The following CLYBL variants were observed in gnomAD, a reference collection of about 807,000 sequenced individuals.
CLYBL encodes the protein citramalyl-CoA lyase.
A neutral mutation model predicts 38.9 loss-of-function variants in CLYBL; 31 were observed. The ratio of observed to expected loss-of-function variants is 0.80; its 90% CI spans 0.60 to 1.08. The LOEUF (loss-of-function observed/expected upper bound fraction) is 1.08, where lower values mean the gene tolerates loss of function less well. CLYBL is among the 50% of genes least tolerant of loss of function. The pLI, the probability that CLYBL is intolerant of heterozygous loss-of-function variation, is 0.00. For missense variants in CLYBL, 434 were observed against 411.6 expected (o/e 1.05, Z -0.47); for synonymous variants, 171 against 158.6 (o/e 1.08, Z -0.59).
At chr13:99,778,544 A>G (rs1284301383) in intron 2 of CLYBL, among the ~76,000 whole-genome samples, 3 of 152,220 alleles carry the variant, frequency 2.0e-5, no homozygotes, top group Admixed American at 6.5e-5. Context: ...GTTTATAAGT[A>G]TATAATACCT....
chr13:99,804,440 C>G (rs1260644833), intron 2 of CLYBL, among the ~76,000 whole-genome samples: 1 of 152,202 alleles, frequency 6.6e-6, no homozygotes, highest in African/African-American at 2.4e-5. Context: ...ACTATAAGCA[C>G]CACCCAAACT....
chr13:99,871,266 C>T (rs183661422), intron 7 of CLYBL, among the ~76,000 whole-genome samples: 7 of 152,286 alleles, frequency 4.6e-5, no homozygotes, highest in Non-Finnish European at 7.4e-5. Context: ...CACTAACTGG[C>T]TCTCAAGTCC....
intron 2 of CLYBL, among the ~76,000 whole-genome samples, chr13:99,836,840 T>C (rs960544461): frequency 2.7e-5 from 4 of 150,424 alleles, no homozygotes; most frequent in African/African-American, 7.4e-5. Flanking sequence ...AATTGAACAA[T>C]GAGAACACAT....
chr13:99,882,266 T>G (rs1025099326), intron 7 of CLYBL, among the ~76,000 whole-genome samples: 8 of 152,180 alleles, frequency 5.3e-5, no homozygotes, highest in Admixed American at 4.6e-4. Context: ...TCCTCTTAAG[T>G]TCCTTTATAA....
chr13:99,802,252 C>T (rs1244304199), intron 2 of CLYBL, among the ~76,000 whole-genome samples: 1 of 152,062 alleles, frequency 6.6e-6, no homozygotes. Flanking sequence ...CCTCACATGA[C>T]CAAGAAAGAA....
intron 7 of CLYBL, among the ~76,000 whole-genome samples, chr13:99,888,061 G>T (rs2052395678): frequency 6.6e-6 from 1 of 152,014 alleles, no homozygotes; most frequent in South Asian, 2.1e-4. Flanking sequence ...TCACCATGTT[G>T]GCCAGTCTGG....
chr13:99,728,775 G>A (rs1267616805), intron 1 of CLYBL, among the ~76,000 whole-genome samples: 1 of 151,930 alleles, frequency 6.6e-6, no homozygotes, highest in African/African-American at 2.4e-5. Context: ...TAGAGATGGA[G>A]TCTCATTATG....
chr13:99,712,438 G>A (rs367594262), intron 1 of CLYBL, among the ~76,000 whole-genome samples: 3 of 150,874 alleles, frequency 2.0e-5, no homozygotes, highest in African/African-American at 7.3e-5. Flanking sequence ...GGGCTCAAGC[G>A]ATCCTCCCGC....
chr13:99,773,544 C>CTAAT (rs2049445832), intron 2 of CLYBL, among the ~76,000 whole-genome samples: 1 of 152,158 alleles, frequency 6.6e-6, no homozygotes, highest in African/African-American at 2.4e-5. Flanking sequence ...AAGAATCTAA[C>CTAAT]TAATGCCTGA....
intron 1 of CLYBL, among the ~76,000 whole-genome samples, chr13:99,610,188 G>A (rs1000268740): frequency 3.3e-5 from 5 of 152,184 alleles, no homozygotes; most frequent in Admixed American, 6.5e-5. Context: ...AGGCATGAAC[G>A]ACTGCACCTG....
intron 1 of CLYBL, among the ~76,000 whole-genome samples, chr13:99,755,118 C>T (rs1395639098): frequency 6.6e-6 from 1 of 152,044 alleles, no homozygotes; most frequent in Non-Finnish European, 1.5e-5. Flanking sequence ...AGGATGGTCT[C>T]GCTCTCCTGA....
At chr13:99,904,056 AC>A (rs761908416) in intron 8 of CLYBL, among the ~76,000 whole-genome samples, 27 of 150,200 alleles carry the variant, frequency 1.8e-4, no homozygotes, top group Non-Finnish European at 3.4e-4. Flanking sequence ...AAAAAAAAAA[AC>A]AAAAACAAAA....
chr13:99,815,139 G>A (rs1231551703), intron 2 of CLYBL, among the ~76,000 whole-genome samples: 3 of 152,178 alleles, frequency 2.0e-5, no homozygotes, highest in Non-Finnish European at 2.9e-5. Context: ...AGAACCCACT[G>A]TTAATCAGGA....
At chr13:99,756,713 G>A (rs540382401) in intron 1 of CLYBL, among the ~76,000 whole-genome samples, 2 of 152,022 alleles carry the variant, frequency 1.3e-5, no homozygotes, top group African/African-American at 4.8e-5. Context: ...AGGTTAGACA[G>A]TCCTGGACTA....
intron 2 of CLYBL, among the ~76,000 whole-genome samples, chr13:99,846,660 C>T (rs895339328): frequency 6.6e-6 from 1 of 152,230 alleles, no homozygotes; most frequent in African/African-American, 2.4e-5. Flanking sequence ...GGACTGGCTT[C>T]TGCCGCTGGC....
At chr13:99,765,626 C>T (rs1004841395) in intron 1 of CLYBL, among the ~76,000 whole-genome samples, 6 of 152,124 alleles carry the variant, frequency 3.9e-5, no homozygotes, top group African/African-American at 1.4e-4. Flanking sequence ...TTACTGCAGC[C>T]TCAACCTCCT....
At chr13:99,853,221 T>C (rs1280427628) in intron 2 of CLYBL, among the ~76,000 whole-genome samples, 1 of 152,072 alleles carries the variant, frequency 6.6e-6, no homozygotes, top group Non-Finnish European at 1.5e-5. Context: ...GGTAAGGTTT[T>C]CTCTTTTTCA....
chr13:99,744,877 G>C (rs2048822560), intron 1 of CLYBL, among the ~76,000 whole-genome samples: 1 of 152,196 alleles, frequency 6.6e-6, no homozygotes, highest in African/African-American at 2.4e-5. Context: ...TTGGAGCTCA[G>C]TGTTTCTCTG....
chr13:99,635,313 C>T (rs764029717), intron 1 of CLYBL, among the ~76,000 whole-genome samples: 1 of 152,010 alleles, frequency 6.6e-6, no homozygotes, highest in African/African-American at 2.4e-5. Flanking sequence ...ACGCCCCCCA[C>T]ACCCCCAACC....
Sources: allele counts gnomAD v4.1 joint callset (sites outside exome capture counted in the v4.1 genomes callset), GRCh38; gene constraint gnomAD v4.1.1; transcripts MANE v1.5; gene names NCBI Gene and HGNC (gene_info 2026-07-23, HGNC 2026-07-21).